Variants in RNF17 observed in about 807,000 individuals in gnomAD.
RNF17 encodes spermatogenesis associated 23.
Under a neutral mutation model 200.5 loss-of-function variants are expected in RNF17, and 31 were observed. The observed-to-expected ratio is 0.15, with a 90% CI of 0.12 to 0.21. RNF17 has a LOEUF of 0.21. Among genes scored for constraint, RNF17 ranks in the 10% least tolerant of loss-of-function variants. RNF17 has a pLI of 1.00. For missense variants in RNF17, 1,628 were observed against 1,905.1 expected, an observed-to-expected ratio of 0.85 and a Z score of 2.71; for synonymous variants, 606 against 637.8, an observed-to-expected ratio of 0.95 and a Z score of 0.75.
intron 6 of RNF17, 26 bp from the exon 7 acceptor site, chr13:24,787,962 A>G: frequency 6.6e-7 from 1 of 1,515,192 alleles, no homozygotes; most frequent in Non-Finnish European, 8.8e-7. Flanking sequence ...AAATACTGCA[A>G]AATAACTTTG....
chr13:24,768,199 C>T (rs1287053083), intron 2 of RNF17, among the ~76,000 whole-genome samples: 1 of 151,746 alleles, frequency 6.6e-6, no homozygotes, highest in African/African-American at 2.4e-5. Context: ...ATAAAATTTA[C>T]TTGATATCCT....
At chr13:24,797,832 C>G (rs552018866) in intron 11 of RNF17, among the ~76,000 whole-genome samples, 176 of 151,830 alleles carry the variant, frequency 1.2e-3, no homozygotes, top group African/African-American at 4.1e-3. Flanking sequence ...CCACCCTCGA[C>G]TCTAGAATAA....
At chr13:24,877,529 A>G in intron 34 of RNF17, among the ~76,000 whole-genome samples, 1 of 152,208 alleles carries the variant, frequency 6.6e-6, no homozygotes, top group Middle Eastern at 3.2e-3. Context: ...AAGTACTATA[A>G]CAGAGCTATA....
intron 18 of RNF17, among the ~76,000 whole-genome samples, chr13:24,833,972 A>T (rs1481299103): frequency 6.6e-6 from 1 of 152,250 alleles, no homozygotes; most frequent in Non-Finnish European, 1.5e-5. Context: ...AAACCAAAGA[A>T]CTAAAGTTAA....
intron 16 of RNF17, among the ~76,000 whole-genome samples, chr13:24,828,220 G>C (rs1309510098): frequency 7.5e-6 from 1 of 134,008 alleles, no homozygotes; most frequent in Non-Finnish European, 1.6e-5. Flanking sequence ...GGGGAAGATG[G>C]AGTGTGCATG....
chr13:24,864,597 A>T (rs147514256), intron 28 of RNF17, among the ~76,000 whole-genome samples: 57 of 152,262 alleles, frequency 3.7e-4, no homozygotes, highest in African/African-American at 1.3e-3. Context: ...AAGGTGATGT[A>T]TTTGGGAATT....
At chr13:24,883,207 C>T (rs772963365), downstream of RNF17, 3 of 1,614,038 alleles carry the variant, frequency 1.9e-6, no homozygotes, top group Admixed American at 5.0e-5. Flanking sequence ...GCACATTACC[C>T]TCCTTGTCCT....
At chr13:24,877,289 A>G in intron 34 of RNF17, 103 bp downstream of exon 34, 1 of 830,266 alleles carries the variant, frequency 1.2e-6, no homozygotes, top group Non-Finnish European at 1.9e-6. Context: ...AGTATACTAA[A>G]GCATATACAG....
Position 24,879,912 on chromosome 13 carries a change from C to T in RNF17, c.*186C>T, listed in dbSNP as rs1049062831. On this transcript the variant is annotated 3_prime_UTR_variant, in exon 36 of 36. Transcript: ENST00000255324. ...TGGGGAAAAAAAGTAAATAAATGTT[C>T]GCTTCCAAACATTTGCTTGTTTCAT... is the stretch of plus-strand genomic sequence containing the variant. 4 of 151,986 alleles carry T rather than the reference C, an allele frequency of 2.6e-5. No individual in the cohort carries two copies. Among genetic ancestry groups the T allele is most frequent in the Admixed American group, 6.6e-5 (1 of 15,262 alleles). 9.4% of individuals were successfully genotyped at this position (151,986 alleles called of 1,614,324 possible). A position where few individuals can be genotyped will look rare whatever the true frequency, so the allele number is the denominator to read the frequency against.
At chr13:24,786,158 TC>T (rs1421934067) in intron 6 of RNF17, among the ~76,000 whole-genome samples, 1 of 152,192 alleles carries the variant, frequency 6.6e-6, no homozygotes, top group Non-Finnish European at 1.5e-5. Context: ...AAATTTTGAT[TC>T]CTTTCTCATT....
At chr13:24,871,990 C>T (rs1440485262) in intron 32 of RNF17, among the ~76,000 whole-genome samples, 24 of 75,514 alleles carry the variant, frequency 3.2e-4, no homozygotes, top group African/African-American at 8.3e-4. Context: ...TTTTTGAAGA[C>T]GGAGTTTCAC....
At chr13:24,762,739 G>A (rs1878893843), upstream of RNF17, among the ~76,000 whole-genome samples, 1 of 152,172 alleles carries the variant, frequency 6.6e-6, no homozygotes. Context: ...AGCAGCAAAA[G>A]GCAACCGTGC....
intron 16 of RNF17, among the ~76,000 whole-genome samples, chr13:24,827,827 CTTG>C (rs1888914810): frequency 6.6e-6 from 1 of 151,542 alleles, no homozygotes; most frequent in African/African-American, 2.4e-5. Flanking sequence ...AAGATGGTGC[CTTG>C]TTGCTGCATC....
chr13:24,770,329 G>A (rs1406763272), intron 2 of RNF17, among the ~76,000 whole-genome samples: 2 of 152,010 alleles, frequency 1.3e-5, no homozygotes, highest in African/African-American at 2.4e-5. Context: ...TAAATGACAA[G>A]CTATAGGGGG....
intron 6 of RNF17, among the ~76,000 whole-genome samples, chr13:24,782,326 C>T (rs901113540): frequency 1.3e-5 from 2 of 151,966 alleles, no homozygotes; most frequent in Non-Finnish European, 2.9e-5. Context: ...CAAGCCCACA[C>T]CACTACATCC....
chr13:24,882,213 G>GATACATCTATATAGAT (rs1555294239), downstream of RNF17: 3 of 9,322 alleles, frequency 3.2e-4, 1 homozygote, highest in Non-Finnish European at 9.0e-4. Context: ...TATATAGATA[G>GATACATCTATATAGAT]ATATAGATAC....
At chr13:24,759,185 A>G (rs1878473154), upstream of RNF17, among the ~76,000 whole-genome samples, 1 of 151,920 alleles carries the variant, frequency 6.6e-6, no homozygotes, top group Admixed American at 6.6e-5. Context: ...GAATGTGAGG[A>G]CACATGACAT....
chr13:24,841,658 A>T lies in RNF17; in HGVS notation c.2483-383A>T, dbSNP rs548650213. ...GAAAGAAATTAAGTTTCCAATTTTTAAAAAAATTGCCTCATTTAGGCTGGG... is the reference window on the plus strand; with the variant it reads ...GAAAGAAATTAAGTTTCCAATTTTTTAAAAAATTGCCTCATTTAGGCTGGG... On this transcript the variant is annotated intron_variant, in intron 18 of 35. Coordinates refer to ENST00000255324, the MANE Select transcript of RNF17 (RefSeq NM_031277.3). 3.3e-5 allele frequency among the ~76,000 whole-genome samples: 5 copies of T among 152,244 alleles called. No individual in the cohort carries two copies. The South Asian group carries it at 6.2e-4, about 19-fold the overall frequency.
intron 11 of RNF17, among the ~76,000 whole-genome samples, chr13:24,798,955 A>C (rs1211520129): frequency 6.6e-6 from 1 of 152,162 alleles, no homozygotes; most frequent in Non-Finnish European, 1.5e-5. Flanking sequence ...CAAAGAGAAG[A>C]TAATTGTTTC....
Sources: allele counts gnomAD v4.1 joint callset (sites outside exome capture counted in the v4.1 genomes callset), GRCh38; gene constraint gnomAD v4.1.1; transcripts MANE v1.5; gene names NCBI Gene and HGNC (gene_info 2026-07-23, HGNC 2026-07-21).